FILIP1L: variants seen among roughly 807,000 people sequenced by gnomAD.
The protein encoded by FILIP1L is filamin A interacting protein 1 like.
FILIP1L carries 55 observed loss-of-function variants against 96.6 expected under a neutral mutation model. The observed-to-expected ratio is 0.57, with a 90% CI of 0.46 to 0.71. The LOEUF (loss-of-function observed/expected upper bound fraction) is 0.71. Among genes scored for constraint, FILIP1L ranks in the 30% least tolerant of loss-of-function variants. The pLI is 0.00. For missense variants in FILIP1L, 1,304 were observed against 1,321.2 expected (o/e 0.99, Z 0.20); for synonymous variants, 467 against 473.9 (o/e 0.99, Z 0.19).
intron 1 of FILIP1L, among the ~76,000 whole-genome samples, chr3:100,078,314 G>A (rs2065880554): frequency 6.6e-6 from 1 of 152,100 alleles, no homozygotes; most frequent in Non-Finnish European, 1.5e-5. Context: ...GATAAATCCA[G>A]AGAAAACGTA....
At chr3:100,063,404 G>A (rs1312963318) in intron 1 of FILIP1L, among the ~76,000 whole-genome samples, 4 of 151,918 alleles carry the variant, frequency 2.6e-5, no homozygotes, top group Non-Finnish European at 5.9e-5. Context: ...ATTCTTCTTG[G>A]TGTAATTATT....
chr3:99,932,106 A>G (rs1707500273), intron 1 of FILIP1L, among the ~76,000 whole-genome samples: 1 of 152,200 alleles, frequency 6.6e-6, no homozygotes, highest in Admixed American at 6.5e-5. Context: ...AATTTACTGT[A>G]TATTAGAAAA....
Position 99,861,656 on chromosome 3 carries a change from A to G in FILIP1L, c.606-10586T>C, listed in dbSNP as rs912366032. On this transcript the variant is annotated intron_variant, in intron 4 of 5. Transcript: ENST00000477258. ...ATGTCTTCCCTACTGCCTGTTCCCT[A>G]TTACCCCCAGCAAGAGATTGCAGTA... 3.9e-5 allele frequency among the ~76,000 whole-genome samples: 6 copies of G among 152,082 alleles called. No individual in the cohort carries two copies. In the South Asian group the frequency reaches 6.2e-4, roughly 16 times the overall value.
chr3:99,988,511 CAAA>C (rs757175318), intron 1 of FILIP1L, among the ~76,000 whole-genome samples: 19 of 47,848 alleles, frequency 4.0e-4, no homozygotes, highest in Admixed American at 8.8e-4. Flanking sequence ...GACTCCATCT[CAAA>C]AAAAAAAAAA....
chr3:99,983,384 A>G (rs1325428039), intron 1 of FILIP1L, among the ~76,000 whole-genome samples: 1 of 32,318 alleles, frequency 3.1e-5, no homozygotes, highest in Non-Finnish European at 7.5e-5. Context: ...AAAAATAAAT[A>G]AATAAATATA....
At chr3:99,989,308 T>C (rs1000525023) in intron 1 of FILIP1L, among the ~76,000 whole-genome samples, 1 of 152,236 alleles carries the variant, frequency 6.6e-6, no homozygotes, top group African/African-American at 2.4e-5. Context: ...TGACTGCATG[T>C]CTAGGATTCT....
chr3:99,976,272 A>G (rs1243012723), intron 1 of FILIP1L, among the ~76,000 whole-genome samples: 2 of 152,244 alleles, frequency 1.3e-5, no homozygotes, highest in African/African-American at 2.4e-5. Flanking sequence ...GAGTAAAAAG[A>G]TACTGTGGCC....
In FILIP1L at chr3:99,929,999, C is replaced by T. The variant is rs781509756; in HGVS notation, c.283G>A (p.Ala95Thr). ...ARDEVIGILKAEKMDLALLEA... is the reference protein window; with the variant it reads ...ARDEVIGILKTEKMDLALLEA... ...AGCAAAGCCAGGTCCATTTTTTCAGCCTTTAAAATGCCTATGACCTCATCT... is the reference window on the plus strand; with the variant it reads ...AGCAAAGCCAGGTCCATTTTTTCAGTCTTTAAAATGCCTATGACCTCATCT... The change falls in exon 3 of 6, where the codon GCT becomes ACT. Residue 95 changes from alanine (A) to threonine (T), a missense_variant. By Grantham distance (58) the Ala-to-Thr change is moderately conservative. Coordinates refer to ENST00000477258, the MANE Select transcript of FILIP1L (RefSeq NM_001387850.1). 3 of 1,613,308 alleles carry T rather than the reference C, an allele frequency of 1.9e-6. No homozygotes were observed. Among genetic ancestry groups the T allele is most frequent in the African/African-American group, 2.7e-5 (2 of 74,870 alleles).
chr3:99,882,968 C>G (rs1705776721), intron 4 of FILIP1L, among the ~76,000 whole-genome samples: 1 of 152,210 alleles, frequency 6.6e-6, no homozygotes, highest in Non-Finnish European at 1.5e-5. Context: ...ATATAAATTT[C>G]TGTGTTATCA....
intron 1 of FILIP1L, among the ~76,000 whole-genome samples, chr3:99,983,160 A>T (rs1212269014): frequency 4.6e-5 from 7 of 151,864 alleles, no homozygotes; most frequent in Admixed American, 2.0e-4. Flanking sequence ...ATTTGAAAAA[A>T]AATTTCTCAG....
chr3:100,049,395 T>TA (rs1383457799), intron 1 of FILIP1L, among the ~76,000 whole-genome samples: 1 of 152,350 alleles, frequency 6.6e-6, no homozygotes, highest in African/African-American at 2.4e-5. Context: ...GAGAGCTTTT[T>TA]AAAAAATCAC....
At chr3:99,894,194 TG>T (rs1327499250) in intron 4 of FILIP1L, among the ~76,000 whole-genome samples, 3 of 152,234 alleles carry the variant, frequency 2.0e-5, no homozygotes, top group African/African-American at 7.2e-5. Flanking sequence ...GGAGATAGGA[TG>T]GTTAAAAACT....
intron 1 of FILIP1L, among the ~76,000 whole-genome samples, chr3:100,011,515 T>C (rs1465791688): frequency 1.3e-5 from 2 of 152,190 alleles, no homozygotes; most frequent in South Asian, 2.1e-4. Context: ...CCAGTTTTAA[T>C]TTTATAAACT....
At chr3:99,857,091 G>T (rs761771788) in intron 4 of FILIP1L, among the ~76,000 whole-genome samples, 34 of 152,124 alleles carry the variant, frequency 2.2e-4, no homozygotes, top group Non-Finnish European at 4.4e-4. Context: ...GGAACCACAT[G>T]AATTTTTTTT....
chr3:99,847,394 C>T (rs765648125), intron 5 of FILIP1L, among the ~76,000 whole-genome samples: 6 of 150,824 alleles, frequency 4.0e-5, no homozygotes, highest in Non-Finnish European at 7.4e-5. Context: ...GTTTATGTCA[C>T]AGTGGCTGGT....
intron 4 of FILIP1L, among the ~76,000 whole-genome samples, chr3:99,872,675 C>T (rs777574878): frequency 6.6e-6 from 1 of 151,916 alleles, no homozygotes; most frequent in Non-Finnish European, 1.5e-5. Flanking sequence ...AATGTGAGGA[C>T]GGTCAGACTG....
chr3:99,914,966 C>T (rs774750120), intron 4 of FILIP1L, among the ~76,000 whole-genome samples: 9 of 152,166 alleles, frequency 5.9e-5, no homozygotes, highest in Non-Finnish European at 1.3e-4. Context: ...ATAAAAACTG[C>T]AATGTATGAA....
chr3:99,876,099 G>GGGGCC (rs1705501178), intron 4 of FILIP1L: 4 of 986,338 alleles, frequency 4.1e-6, no homozygotes, highest in East Asian at 2.3e-4. Context: ...GGGCCGGGCG[G>GGGGCC]GGGCCGGGCC....
chr3:100,028,002 T>G (rs2064958514), intron 1 of FILIP1L, among the ~76,000 whole-genome samples: 1 of 152,142 alleles, frequency 6.6e-6, no homozygotes, highest in Admixed American at 6.6e-5. Flanking sequence ...TTAAAGAATT[T>G]CTAAGTACTG....
Sources: allele counts gnomAD v4.1 joint callset (sites outside exome capture counted in the v4.1 genomes callset), GRCh38; gene constraint gnomAD v4.1.1; transcripts MANE v1.5; gene names NCBI Gene and HGNC (gene_info 2026-07-23, HGNC 2026-07-21).